The following PDGFRA variants were observed in gnomAD, a reference collection of about 807,000 sequenced individuals.
PDGFRA encodes the protein platelet derived growth factor receptor alpha.
Under a neutral mutation model 121.5 loss-of-function variants are expected in PDGFRA, and 25 were observed. The ratio of observed to expected loss-of-function variants is 0.21; its 90% CI spans 0.15 to 0.29. PDGFRA has a LOEUF of 0.29. Ranked by LOEUF, PDGFRA falls within the 10% of genes least tolerant of loss-of-function variation. The pLI is 1.00. For missense variants in PDGFRA, 1,008 were observed against 1,345.1 expected (o/e 0.75, Z 3.92); for synonymous variants, 463 against 494.8 (o/e 0.94, Z 0.85).
rs1050906599 is a variant in PDGFRA at position 54,274,704 on chromosome 4, A to G, written c.1653+79A>G. 6 of 1,432,068 alleles carry G rather than the reference A, an allele frequency of 4.2e-6. No homozygotes were observed. The Admixed American group carries it at 8.4e-5, about 20-fold the overall frequency. 88.7% of individuals were successfully genotyped at this position (1,432,068 alleles called of 1,614,324 possible). A position where few individuals can be genotyped will look rare whatever the true frequency, so the allele number is the denominator to read the frequency against. ...AGCAACCTAGTTCAGTGCTTGGCAC[A>G]GAGAAGGAGCTCAGCAATTACATGT... On this transcript the variant is annotated intron_variant, in intron 11 of 22. Transcript: ENST00000257290.
intron 1 of PDGFRA, among the ~76,000 whole-genome samples, chr4:54,238,905 G>A (rs1190111071): frequency 1.3e-5 from 2 of 152,132 alleles, no homozygotes; most frequent in Non-Finnish European, 2.9e-5. Context: ...ATGGGAGGAT[G>A]GAGGCTGCGG....
chr4:54,295,010 A>G (rs1724805251), intron 22 of PDGFRA, 115 bp from the exon 23 acceptor site: 9 of 1,070,288 alleles, frequency 8.4e-6, no homozygotes, highest in Non-Finnish European at 1.0e-5. Context: ...GAATCTTGCC[A>G]TACTGTGCAG....
intron 1 of PDGFRA, among the ~76,000 whole-genome samples, chr4:54,230,889 C>G (rs1366858237): frequency 6.6e-6 from 1 of 152,218 alleles, no homozygotes; most frequent in African/African-American, 2.4e-5. Flanking sequence ...GAGCGGGCGG[C>G]GTCCATTTGG....
intron 1 of PDGFRA, among the ~76,000 whole-genome samples, chr4:54,239,324 G>T (rs987435120): frequency 3.5e-4 from 53 of 152,230 alleles, no homozygotes; most frequent in African/African-American, 1.3e-3. Flanking sequence ...AAGCAGCCAT[G>T]CAGTTGCTGT....
chr4:54,263,159 A>G (rs1295536433), intron 3 of PDGFRA, among the ~76,000 whole-genome samples: 1 of 152,226 alleles, frequency 6.6e-6, no homozygotes, highest in Admixed American at 6.5e-5. Context: ...ATAGGTGGTA[A>G]GAGTTTTTAA....
chr4:54,245,390 G>T (rs1379730217), intron 1 of PDGFRA, among the ~76,000 whole-genome samples: 1 of 152,188 alleles, frequency 6.6e-6, no homozygotes, highest in Non-Finnish European at 1.5e-5. Context: ...CAAGCCAGAA[G>T]AGAGTGGGGG....
rs1577759866 is a variant in PDGFRA, at chr4:54,297,924, T to C, written c.*2652T>C. 4.3e-6 allele frequency: 1 copy of C among 233,004 alleles called. No individual in the cohort carries two copies. The highest frequency in any genetic ancestry group is 2.2e-5 in the African/African-American group (1 of 45,338). 14.4% of individuals were successfully genotyped at this position (233,004 alleles called of 1,614,324 possible). A position where few individuals can be genotyped will look rare whatever the true frequency, so the allele number is the denominator to read the frequency against. On this transcript the variant is annotated 3_prime_UTR_variant, in exon 23 of 23. Coordinates refer to ENST00000257290, the MANE Select transcript of PDGFRA (RefSeq NM_006206.6). ...ACATCAATATGTATATATGTATTTC[T>C]ATATAGACTTGGAGAATACTGCCAA...
chr4:54,291,637 G>A (rs571302733), intron 22 of PDGFRA, among the ~76,000 whole-genome samples: 2 of 152,260 alleles, frequency 1.3e-5, no homozygotes, highest in South Asian at 2.1e-4. Flanking sequence ...AACAGATGCT[G>A]GTGAGGTTGT....
At chr4:54,234,083 T>G (rs1051858527) in intron 1 of PDGFRA, among the ~76,000 whole-genome samples, 2 of 152,212 alleles carry the variant, frequency 1.3e-5, no homozygotes, top group African/African-American at 4.8e-5. Context: ...GCTGAGCCTC[T>G]GCGGCCTAGC....
intron 5 of PDGFRA, among the ~76,000 whole-genome samples, chr4:54,265,804 A>G (rs1722998431): frequency 6.6e-6 from 1 of 152,190 alleles, no homozygotes; most frequent in African/African-American, 2.4e-5. Flanking sequence ...AAATGCAGGA[A>G]TGACTAATAT....
At chr4:54,264,877 T>C in intron 4 of PDGFRA, 42 bp from the exon 5 acceptor site, 1 of 1,550,790 alleles carries the variant, frequency 6.4e-7, no homozygotes, top group Admixed American at 1.7e-5. Flanking sequence ...ATCCTGGCTA[T>C]CCTGTGGATT....
intron 1 of PDGFRA, among the ~76,000 whole-genome samples, chr4:54,242,575 A>G (rs773906036): frequency 1.4e-4 from 22 of 152,146 alleles, no homozygotes; most frequent in South Asian, 6.2e-4. Flanking sequence ...ATATGTATGT[A>G]TGTGTGTATA....
At chr4:54,281,720 C>T (rs1440129340) in intron 16 of PDGFRA, 5 of 1,356,652 alleles carry the variant, frequency 3.7e-6, no homozygotes, top group Non-Finnish European at 3.9e-6. Flanking sequence ...AGCTACTCTT[C>T]ACTTGCTGAA....
In PDGFRA at chr4:54,267,438, G is replaced by A; in HGVS notation, c.909G>A (p.Lys303=). 1 of 1,614,174 alleles carries A rather than the reference G, an allele frequency of 6.2e-7. No homozygotes were observed. Among genetic ancestry groups the A allele is most frequent in the Non-Finnish European group, 8.5e-7 (1 of 1,180,022 alleles). ...RQATREVKEM[K]KVTISVHEKG... ...CTACCAGGGAGGTCAAAGAAATGAA[G>A]AAAGTCACTATTTCTGTCCATGGTA... is the stretch of plus-strand genomic sequence containing the variant. Residue 303 remains lysine (K), a synonymous_variant, in exon 6 of 23, where the codon AAG becomes AAA. Transcript: ENST00000257290.
intron 18 of PDGFRA, among the ~76,000 whole-genome samples, chr4:54,286,223 T>G (rs541799376): frequency 6.6e-6 from 1 of 152,286 alleles, no homozygotes; most frequent in African/African-American, 2.4e-5. Context: ...ATAGTACCTA[T>G]TTGCTGAGTT....
At chr4:54,281,793 C>CT in intron 16 of PDGFRA, 1 of 1,310,894 alleles carries the variant, frequency 7.6e-7, no homozygotes. Context: ...AACCCTGGGA[C>CT]CCTTCCAGAT....
chr4:54,230,998 A>T (rs1720630814), intron 1 of PDGFRA, among the ~76,000 whole-genome samples: 1 of 152,244 alleles, frequency 6.6e-6, no homozygotes, highest in African/African-American at 2.4e-5. Flanking sequence ...AGAGGGAGCC[A>T]GGAGCCTGGG....
At chr4:54,270,012 G>T (rs538910306) in intron 7 of PDGFRA, among the ~76,000 whole-genome samples, 16 of 152,130 alleles carry the variant, frequency 1.1e-4, no homozygotes, top group African/African-American at 3.9e-4. Flanking sequence ...AACAAAAAGA[G>T]AATGCATTGT....
At chr4:54,264,456 T>G in intron 4 of PDGFRA, 2 of 247,320 alleles carry the variant, frequency 8.1e-6, no homozygotes, top group Non-Finnish European at 1.6e-5. Context: ...AGAGCACAGC[T>G]AATTTTGTGC....
Sources: allele counts gnomAD v4.1 joint callset (sites outside exome capture counted in the v4.1 genomes callset), GRCh38; gene constraint gnomAD v4.1.1; transcripts MANE v1.5; gene names NCBI Gene and HGNC (gene_info 2026-07-23, HGNC 2026-07-21).